The following ZNF124 variants were observed in gnomAD, a reference collection of about 807,000 sequenced individuals.
ZNF124 encodes the protein zinc finger protein HZF-16.
Under a neutral mutation model 26.6 loss-of-function variants are expected in ZNF124, and 25 were observed. The ratio of observed to expected loss-of-function variants is 0.94; its 90% CI spans 0.68 to 1.31. ZNF124 has a LOEUF of 1.31. Among genes scored for constraint, ZNF124 ranks in the 40% most tolerant of loss-of-function variants. The pLI is 0.00. For synonymous variants in ZNF124, 129 were observed against 133.3 expected (o/e 0.97, Z 0.22); for missense variants, 444 against 422.2 (o/e 1.05, Z -0.45).
chr1:247,154,124 A>ACG (rs1275043649), downstream of ZNF124, among the ~76,000 whole-genome samples: 1 of 146,320 alleles, frequency 6.8e-6, no homozygotes, highest in African/African-American at 2.8e-5. Context: ...TGTGACACAC[A>ACG]CACACACACA....
exon 4 of ZNF124, chr1:247,123,810 C>G: frequency 1.4e-6 from 1 of 701,346 alleles, no homozygotes; most frequent in Non-Finnish European, 2.6e-6. Context: ...CCCAGCCCAG[C>G]CTCTTAGTAG....
At chr1:247,141,122 G>A (rs1672616196) in intron 3 of ZNF124, among the ~76,000 whole-genome samples, 1 of 151,808 alleles carries the variant, frequency 6.6e-6, no homozygotes. Context: ...GAGGGTCTGT[G>A]CTGTGGGACC....
chr1:247,161,201 C>A (rs1225280248), intron 1 of ZNF124, among the ~76,000 whole-genome samples: 2 of 152,136 alleles, frequency 1.3e-5, no homozygotes, highest in East Asian at 3.9e-4. Flanking sequence ...ATATTCAGGG[C>A]AGTGTAGTAT....
At chr1:247,150,328 C>T, downstream of ZNF124, among the ~76,000 whole-genome samples, 1 of 152,034 alleles carries the variant, frequency 6.6e-6, no homozygotes, top group East Asian at 1.9e-4. Context: ...CCAAAACTAC[C>T]ATTGACTCTT....
At chr1:247,124,829 G>C (rs1298938526) in intron 3 of ZNF124, among the ~76,000 whole-genome samples, 1 of 152,028 alleles carries the variant, frequency 6.6e-6, no homozygotes, top group Admixed American at 6.6e-5. Flanking sequence ...ACAGGGTCTC[G>C]CTCTGTCACC....
At chr1:247,137,989 G>A (rs939515309) in intron 3 of ZNF124, among the ~76,000 whole-genome samples, 1 of 152,154 alleles carries the variant, frequency 6.6e-6, no homozygotes, top group African/African-American at 2.4e-5. Context: ...AAATAGGAAC[G>A]CTTTTACACT....
At chr1:247,141,849 T>C (rs1234166066) in intron 3 of ZNF124, among the ~76,000 whole-genome samples, 2 of 152,198 alleles carry the variant, frequency 1.3e-5, no homozygotes, top group African/African-American at 4.8e-5. Flanking sequence ...GTGACCTCTA[T>C]GGTAAGTCTG....
At chr1:247,150,469 AAG>A (rs924115590), downstream of ZNF124, among the ~76,000 whole-genome samples, 1 of 152,198 alleles carries the variant, frequency 6.6e-6, no homozygotes, top group Non-Finnish European at 1.5e-5. Context: ...GCAAATGAAA[AAG>A]AATTCATTAT....
chr1:247,156,077 C>T lies in ZNF124; in HGVS notation c.*489G>A. The T allele has an allele frequency of 1.0e-6, 1 of 976,020 alleles. No individual in the cohort carries two copies. Among genetic ancestry groups the T allele is most frequent in the Admixed American group, 6.2e-5 (1 of 16,228 alleles). 60.5% of individuals were successfully genotyped at this position (976,020 alleles called of 1,614,324 possible). On this transcript the variant is annotated 3_prime_UTR_variant, in exon 4 of 4. Transcript: ENST00000543802. ...TATTTACATTTACAGGATTTATTTCCAGTGGGAGTTTTCACATGACCTTTA... is the reference window on the plus strand; with the variant it reads ...TATTTACATTTACAGGATTTATTTCTAGTGGGAGTTTTCACATGACCTTTA...
upstream of ZNF124, among the ~76,000 whole-genome samples, chr1:247,172,363 T>C (rs1674121901): frequency 1.3e-5 from 2 of 152,122 alleles, no homozygotes; most frequent in Non-Finnish European, 1.5e-5. Flanking sequence ...TTAACCTTCA[T>C]GGCCTCTGGT....
rs182378602 is a variant in ZNF124 at position 247,156,458 on chromosome 1, T to C, written c.*108A>G. On this transcript the variant is annotated 3_prime_UTR_variant, in exon 4 of 4. Transcript: ENST00000543802. ...CTCCAGTTTGATTCGTTTCATGTAT[T>C]TGAGGAAATCTGGGAAAATTAAGTA... 1.5e-6 allele frequency: 2 copies of C among 1,344,328 alleles called. No individual in the cohort carries two copies. Among genetic ancestry groups the C allele is most frequent in the Admixed American group, 7.1e-5 (2 of 28,076 alleles). 83.3% of individuals were successfully genotyped at this position (1,344,328 alleles called of 1,614,324 possible). A position where few individuals can be genotyped will look rare whatever the true frequency, so the allele number is the denominator to read the frequency against.
intron 3 of ZNF124, among the ~76,000 whole-genome samples, chr1:247,158,626 G>T (rs1673289332): frequency 6.6e-6 from 1 of 151,392 alleles, no homozygotes; most frequent in East Asian, 1.9e-4. Flanking sequence ...TATTTTGTTT[G>T]CTTGGTTTTT....
At chr1:247,123,007 T>G (rs566774091) in exon 4 of ZNF124, 1 of 152,340 alleles carries the variant, frequency 6.6e-6, no homozygotes, top group African/African-American at 2.4e-5. Flanking sequence ...GAATGTGGTT[T>G]GATGCCTGGA....
In ZNF124 at chr1:247,155,587, C is replaced by T. The variant is rs1306314121; in HGVS notation, c.*979G>A. On this transcript the variant is annotated 3_prime_UTR_variant, in exon 4 of 4. Coordinates refer to ENST00000543802, the MANE Select transcript of ZNF124 (RefSeq NM_001297568.2). ...TTACAGAAGTCTTGCCTCAGCTGGG[C>T]GTGGTGGCTCACGCCTGTAATCCCA... Among the ~76,000 whole-genome samples the T allele has an allele frequency of 6.6e-6, 1 of 152,076 alleles. No homozygotes were observed. Among genetic ancestry groups the T allele is most frequent in the African/African-American group, 2.4e-5 (1 of 41,424 alleles).
At chr1:247,153,426 G>T (rs1475417281), downstream of ZNF124, among the ~76,000 whole-genome samples, 1 of 152,168 alleles carries the variant, frequency 6.6e-6, no homozygotes, top group African/African-American at 2.4e-5. Flanking sequence ...GTAGAGTGGG[G>T]ACTTGATCCT....
At chr1:247,167,755 G>T (rs554284459) in intron 1 of ZNF124, among the ~76,000 whole-genome samples, 1 of 152,224 alleles carries the variant, frequency 6.6e-6, no homozygotes, top group South Asian at 2.1e-4. Context: ...CACAACAAAA[G>T]AAATAATCAG....
chr1:247,158,922 C>A, intron 3 of ZNF124, 84 bp downstream of exon 3: 3 of 1,296,762 alleles, frequency 2.3e-6, no homozygotes, highest in Non-Finnish European at 3.3e-6. Context: ...AGCCACCATG[C>A]CTGGCCTTGT....
In ZNF124 at chr1:247,156,147, A is replaced by G. The variant is rs1314807878; in HGVS notation, c.*419T>C. The G allele has an allele frequency of 1.0e-6, 1 of 988,914 alleles. No individual in the cohort carries two copies. Among genetic ancestry groups the G allele is most frequent in the Non-Finnish European group, 1.2e-6 (1 of 832,550 alleles). 61.3% of individuals were successfully genotyped at this position (988,914 alleles called of 1,614,324 possible). On this transcript the variant is annotated 3_prime_UTR_variant, in exon 4 of 4. Coordinates refer to ENST00000543802, the MANE Select transcript of ZNF124 (RefSeq NM_001297568.2). ...GAATTTTCTGTATTTCTAGGATTTC[A>G]ATCTGGTGGGCATTCTTTTATTTAT...
At chr1:247,135,755 A>T (rs1327241540) in intron 3 of ZNF124, among the ~76,000 whole-genome samples, 1 of 152,242 alleles carries the variant, frequency 6.6e-6, no homozygotes, top group African/African-American at 2.4e-5. Flanking sequence ...AATAACCCTG[A>T]TGAACGTCAA....
Sources: gnomAD v4.1 joint callset for allele counts (sites outside exome capture counted in the v4.1 genomes callset) on GRCh38, gnomAD v4.1.1 for gene constraint, MANE v1.5 for transcripts, NCBI Gene and HGNC (gene_info 2026-07-23, HGNC 2026-07-21) for gene names.